The following WNK3 variants were observed in gnomAD, a reference collection of about 807,000 sequenced individuals.
WNK3 encodes the protein WNK lysine deficient protein kinase 3, also known as serine/threonine-protein kinase WNK3.
In WNK3, 18 loss-of-function variants were observed where a neutral mutation model predicts 116.7. The ratio of observed to expected loss-of-function variants is 0.15; its 90% CI spans 0.11 to 0.23. WNK3 has a LOEUF of 0.23. WNK3 is among the 10% of genes least tolerant of loss of function. The pLI is 1.00. For missense variants in WNK3, 993 were observed against 1,323.8 expected (o/e 0.75, Z 3.88); for synonymous variants, 404 against 469.4 (o/e 0.86, Z 1.80).
intron 17 of WNK3, among the ~76,000 whole-genome samples, chrX:54,241,787 C>T (rs2068024123): frequency 9.1e-6 from 1 of 109,939 alleles, no homozygotes. Context: ...AACCTCATCT[C>T]TACCAAAAAT....
chrX:54,311,766 C>A (rs1266751493), intron 2 of WNK3, among the ~76,000 whole-genome samples: 11 of 111,483 alleles, frequency 9.9e-5, no homozygotes. Flanking sequence ...GTTTATGAAC[C>A]AGTGAGACAT....
At chrX:54,302,692 A>T (rs1463907440) in intron 5 of WNK3, among the ~76,000 whole-genome samples, 5 of 84,547 alleles carry the variant, frequency 5.9e-5, no homozygotes, top group African/African-American at 2.2e-4. Flanking sequence ...TATTTCAAAC[A>T]TTCCAATTCT....
At chrX:54,281,506 AAAT>A (rs2147067680) in intron 10 of WNK3, among the ~76,000 whole-genome samples, 1 of 111,302 alleles carries the variant, frequency 9.0e-6, no homozygotes, top group Non-Finnish European at 1.9e-5. Flanking sequence ...TTTTTCAACT[AAAT>A]AATACATTGC....
intron 22 of WNK3, among the ~76,000 whole-genome samples, chrX:54,216,564 GA>G (rs2067698212): frequency 9.0e-6 from 1 of 111,087 alleles, no homozygotes; most frequent in Non-Finnish European, 1.9e-5. Context: ...ATGACCATAA[GA>G]AACTTTGAAA....
intron 22 of WNK3, among the ~76,000 whole-genome samples, 175 bp downstream of exon 22, chrX:54,228,539 G>A (rs1185678864): frequency 9.0e-6 from 1 of 111,290 alleles, no homozygotes; most frequent in Admixed American, 9.7e-5. Context: ...CTATGAATAT[G>A]TACATGTTTC....
intron 1 of WNK3, among the ~76,000 whole-genome samples, chrX:54,334,593 T>C (rs782273280): frequency 6.2e-5 from 7 of 112,533 alleles, no homozygotes; most frequent in Non-Finnish European, 1.1e-4. Context: ...ATAGACCACA[T>C]TTTGTTCATC....
chrX:54,344,463 G>A (rs781834233), intron 1 of WNK3, among the ~76,000 whole-genome samples: 1 of 110,663 alleles, frequency 9.0e-6, no homozygotes, highest in African/African-American at 3.3e-5. Context: ...AAAAGAAAAA[G>A]CAAATTCCAC....
chrX:54,200,007 G>A (rs1307543011), intron 23 of WNK3, among the ~76,000 whole-genome samples: 2 of 111,649 alleles, frequency 1.8e-5, no homozygotes, highest in South Asian at 3.7e-4. Context: ...CTCATACAGG[G>A]CTTTTGCGTA....
chrX:54,215,250 G>A (rs1459129771), intron 22 of WNK3, among the ~76,000 whole-genome samples: 1 of 111,060 alleles, frequency 9.0e-6, no homozygotes, highest in African/African-American at 3.3e-5. Flanking sequence ...AGCCCAGGCT[G>A]GACTGTACTG....
intron 22 of WNK3, among the ~76,000 whole-genome samples, chrX:54,211,805 C>T (rs1250704782): frequency 9.2e-6 from 1 of 108,565 alleles, no homozygotes; most frequent in Non-Finnish European, 1.9e-5. Context: ...GAGACTCTGC[C>T]TCAAAAAAAA....
At chrX:54,302,719 C>A (rs1417027985) in intron 5 of WNK3, among the ~76,000 whole-genome samples, 1 of 31,258 alleles carries the variant, frequency 3.2e-5, no homozygotes, top group Non-Finnish European at 6.2e-5. Flanking sequence ...CTCTCTCTCT[C>A]TCTCTCTCTC....
chrX:54,297,189 A>G (rs1304451720), intron 7 of WNK3, among the ~76,000 whole-genome samples: 4 of 111,327 alleles, frequency 3.6e-5, no homozygotes, highest in African/African-American at 1.3e-4. Flanking sequence ...CTTCCCACCA[A>G]CTAGGTGCAT....
intron 22 of WNK3, among the ~76,000 whole-genome samples, chrX:54,203,895 C>T (rs2067525065): frequency 9.1e-6 from 1 of 109,812 alleles, no homozygotes; most frequent in African/African-American, 3.3e-5. Flanking sequence ...TGCAGTGTAC[C>T]GAGATCACGC....
At position 54,220,871 on chromosome X, in the gene WNK3, C is replaced by T. The variant is rs782355677; in HGVS notation, c.4870+7843G>A. On this transcript the variant is annotated intron_variant, in intron 22 of 23. Coordinates refer to ENST00000354646, the Ensembl canonical transcript of WNK3. ...GTTGTATATAATTAAAGAAATTTAA[C>T]CTGGGCCAGAATAGAAGGTATTAAG... 8.1e-5 allele frequency among the ~76,000 whole-genome samples: 9 copies of T among 110,805 alleles called. No homozygotes were observed. The South Asian group carries it at 3.4e-3, about 42-fold the overall frequency.
intron 6 of WNK3, among the ~76,000 whole-genome samples, chrX:54,301,349 T>C (rs2068756795): frequency 9.2e-6 from 1 of 109,005 alleles, no homozygotes; most frequent in Admixed American, 1.0e-4. Flanking sequence ...GTGACACAAA[T>C]AAATGTGGAA....
At chrX:54,308,193 ATTTC>A (rs1206320547) in intron 4 of WNK3, 114 bp from the exon 5 acceptor site, 2 of 687,751 alleles carry the variant, frequency 2.9e-6, no homozygotes, top group Admixed American at 4.3e-5. Context: ...CCCAAAGCAA[ATTTC>A]TTTTTTTTTT....
At chrX:54,225,491 C>T (rs781994817) in intron 22 of WNK3, among the ~76,000 whole-genome samples, 193 of 106,454 alleles carry the variant, frequency 1.8e-3, no homozygotes, top group African/African-American at 6.1e-3. Context: ...TGTGGTGGTG[C>T]ACGTCTGTAA....
chrX:54,329,013 A>T lies in WNK3; in HGVS notation c.537+4124T>A, dbSNP rs1236585222. 2.7e-5 allele frequency among the ~76,000 whole-genome samples: 3 copies of T among 111,869 alleles called. No individual in the cohort carries two copies. The Admixed American group carries it at 2.9e-4, about 11-fold the overall frequency. On this transcript the variant is annotated intron_variant, in intron 2 of 23. Transcript: ENST00000354646. ...CTCATCTCCTAAAGATTCCAATTTG[A>T]GAAGTCTGGACTGGAAGCCGGAAAT...
At chrX:54,294,950 T>C (rs1036208081) in intron 7 of WNK3, 103 bp from the exon 8 acceptor site, 1 of 679,196 alleles carries the variant, frequency 1.5e-6, no homozygotes, top group South Asian at 4.1e-5. Flanking sequence ...CAGGCTGGAG[T>C]GCAGTGGCAT....
Sources: allele counts gnomAD v4.1 joint callset (sites outside exome capture counted in the v4.1 genomes callset), GRCh38; gene constraint gnomAD v4.1.1; transcripts MANE v1.5; gene names NCBI Gene and HGNC (gene_info 2026-07-23, HGNC 2026-07-21).